Variants in PLGRKT observed in about 807,000 individuals in gnomAD.
PLGRKT encodes the protein plasminogen receptor (KT).
PLGRKT carries 22 observed loss-of-function variants against 18.5 expected under a neutral mutation model. The ratio of observed to expected loss-of-function variants is 1.19; its 90% confidence interval spans 0.85 to 1.70. The LOEUF is 1.70. Among genes scored for constraint, PLGRKT ranks in the 40% most tolerant of loss-of-function variants. The pLI, the probability that PLGRKT is intolerant of heterozygous loss-of-function variation, is 0.00. For synonymous variants in PLGRKT, 72 were observed against 52.8 expected (o/e 1.36, Z -1.58); for missense variants, 235 against 174.4 (o/e 1.35, Z -1.96).
At chr9:5,394,243 A>G (rs1818002617) in intron 3 of PLGRKT, among the ~76,000 whole-genome samples, 1 of 151,838 alleles carries the variant, frequency 6.6e-6, no homozygotes, top group South Asian at 2.1e-4. Flanking sequence ...TTCCTGATGA[A>G]CTGAGGGTGA....
intron 3 of PLGRKT, among the ~76,000 whole-genome samples, chr9:5,387,445 T>A (rs186033086): frequency 6.6e-6 from 1 of 152,044 alleles, no homozygotes; most frequent in Admixed American, 6.5e-5. Flanking sequence ...ATTCATATAA[T>A]GGGATACTAT....
chr9:5,413,947 C>G (rs193231325), intron 3 of PLGRKT, among the ~76,000 whole-genome samples: 81 of 152,194 alleles, frequency 5.3e-4, no homozygotes, highest in African/African-American at 1.8e-3. Context: ...AACAATGTAT[C>G]AATGATATGC....
At chr9:5,390,001 TCCAGAAGCA>T (rs1173671964) in intron 3 of PLGRKT, among the ~76,000 whole-genome samples, 1 of 151,700 alleles carries the variant, frequency 6.6e-6, no homozygotes, top group African/African-American at 2.4e-5. Context: ...GTACATCATG[TCCAGAAGCA>T]CCAGGAAGGT....
intron 3 of PLGRKT, among the ~76,000 whole-genome samples, chr9:5,396,127 G>A (rs1432236877): frequency 6.7e-6 from 1 of 149,854 alleles, no homozygotes; most frequent in Non-Finnish European, 1.5e-5. Context: ...CTCCTGACCT[G>A]AGGTGATCAG....
intron 3 of PLGRKT, among the ~76,000 whole-genome samples, chr9:5,404,623 C>A (rs1405443589): frequency 6.6e-6 from 1 of 152,018 alleles, no homozygotes; most frequent in Non-Finnish European, 1.5e-5. Flanking sequence ...TGAAGGAACA[C>A]ACTTCAAAAT....
At chr9:5,393,494 G>C (rs1817987970) in intron 3 of PLGRKT, among the ~76,000 whole-genome samples, 1 of 151,878 alleles carries the variant, frequency 6.6e-6, no homozygotes, top group South Asian at 2.1e-4. Flanking sequence ...ACCTTTCAAA[G>C]AGGTTTATTC....
rs557162286 is a variant in PLGRKT at position 5,433,620 on chromosome 9, G to C, written c.-6-1637C>G. 3.4e-5 allele frequency among the ~76,000 whole-genome samples: 5 copies of C among 147,898 alleles called. No homozygotes were observed. The South Asian group carries it at 1.1e-3, about 32-fold the overall frequency. On this transcript the variant is annotated intron_variant, in intron 2 of 5. Coordinates refer to ENST00000223864, the MANE Select transcript of PLGRKT (RefSeq NM_018465.4). Reference sequence around the variant, plus strand: ...GTCTCTGCCTGAGCGCCCATCGTCTGGGATGTGAGGAGCGCCTTGGCCCGG... The same window carrying C: ...GTCTCTGCCTGAGCGCCCATCGTCTCGGATGTGAGGAGCGCCTTGGCCCGG...
chr9:5,360,808 A>G (rs2131054557), intron 5 of PLGRKT, among the ~76,000 whole-genome samples: 1 of 152,316 alleles, frequency 6.6e-6, no homozygotes, highest in Admixed American at 6.5e-5. Context: ...TAATTTATTT[A>G]TTGCAAGTTT....
intron 3 of PLGRKT, among the ~76,000 whole-genome samples, 180 bp downstream of exon 3, chr9:5,431,717 T>C (rs55760812): frequency 0.017 from 2,640 of 152,234 alleles, 61 homozygotes; most frequent in African/African-American, 0.056. Context: ...TTTATCTGGA[T>C]TGGAGATTTA....
At chr9:5,388,711 G>C (rs1475802139) in intron 3 of PLGRKT, among the ~76,000 whole-genome samples, 3 of 152,016 alleles carry the variant, frequency 2.0e-5, no homozygotes, top group Admixed American at 2.0e-4. Context: ...TGTAATTTCT[G>C]CTAGAACTTG....
chr9:5,359,063 TA>T lies in PLGRKT; in HGVS notation c.323-704del, dbSNP rs1328414780. Among the ~76,000 whole-genome samples, 38 of 122,156 alleles carry T rather than the reference TA, an allele frequency of 3.1e-4. No homozygotes were observed. The South Asian group carries it at 3.9e-3, about 13-fold the overall frequency. 80.1% of individuals were successfully genotyped at this position (122,156 alleles called of 152,430 possible). On this transcript the variant is annotated intron_variant, in intron 5 of 5. Transcript: ENST00000223864. Reference sequence around the variant, plus strand: ...GTACTCCTCTTTTAACACACTATTTTATTTTTTTTTTTTTTTTGAGACAGTG... The same window carrying T: ...GTACTCCTCTTTTAACACACTATTTTTTTTTTTTTTTTTTTTGAGACAGTG...
chr9:5,432,645 G>A (rs538945986), intron 2 of PLGRKT, among the ~76,000 whole-genome samples: 58 of 152,192 alleles, frequency 3.8e-4, no homozygotes, highest in African/African-American at 1.2e-3. Context: ...TTCCAGGCAC[G>A]CGCCACCACT....
chr9:5,434,071 T>C (rs183399043), intron 2 of PLGRKT, among the ~76,000 whole-genome samples: 1,845 of 134,600 alleles, frequency 0.014, 54 homozygotes, highest in African/African-American at 0.05. Flanking sequence ...GGCCGCCCCA[T>C]CTGGGAAGTG....
chr9:5,370,233 A>G (rs1817487507), intron 3 of PLGRKT, among the ~76,000 whole-genome samples: 5 of 152,180 alleles, frequency 3.3e-5, no homozygotes, highest in Admixed American at 3.3e-4. Flanking sequence ...TGTTTAAAAA[A>G]TATTAAGAAC....
chr9:5,379,990 T>G (rs534999248), intron 3 of PLGRKT, among the ~76,000 whole-genome samples: 10 of 152,324 alleles, frequency 6.6e-5, no homozygotes, highest in Admixed American at 2.0e-4. Context: ...TGAACGAAAC[T>G]GGGGACCAAT....
At chr9:5,402,627 G>A (rs558788413) in intron 3 of PLGRKT, among the ~76,000 whole-genome samples, 7 of 152,048 alleles carry the variant, frequency 4.6e-5, no homozygotes, top group South Asian at 2.1e-4. Flanking sequence ...AGTGACGGAC[G>A]AGGAAGAGCA....
chr9:5,361,029 A>C, intron 5 of PLGRKT, 49 bp downstream of exon 5: 1 of 984,280 alleles, frequency 1.0e-6, no homozygotes, highest in Non-Finnish European at 1.6e-6. Flanking sequence ...GGATCCTTGA[A>C]ATGGAAAATA....
Position 5,418,550 on chromosome 9 carries a change from C to A in PLGRKT, c.81+13347G>T. The A allele has an allele frequency of 1.2e-6, 1 of 832,144 alleles. No individual in the cohort carries two copies. Among genetic ancestry groups the A allele is most frequent in the Non-Finnish European group, 2.1e-6 (1 of 478,026 alleles). 51.5% of individuals were successfully genotyped at this position (832,144 alleles called of 1,614,324 possible). A position where few individuals can be genotyped will look rare whatever the true frequency, so the allele number is the denominator to read the frequency against. On this transcript the variant is annotated intron_variant, in intron 3 of 5. Coordinates refer to ENST00000223864, the MANE Select transcript of PLGRKT (RefSeq NM_018465.4). This position sits in a 1 kb window ranked among gnomAD's most constrained non-coding sequence, Gnocchi z 4.2. Reference sequence around the variant, plus strand: ...TCCGCCACCCCCTGGGGAGCCCTGCCTTGCAGAGGCTGCTGTCCAGCAGGG... The same window carrying A: ...TCCGCCACCCCCTGGGGAGCCCTGCATTGCAGAGGCTGCTGTCCAGCAGGG...
At chr9:5,375,905 T>C (rs926194857) in intron 3 of PLGRKT, among the ~76,000 whole-genome samples, 9 of 152,212 alleles carry the variant, frequency 5.9e-5, no homozygotes, top group African/African-American at 2.2e-4. Context: ...TACACCTCCA[T>C]TCATAGCAGC....
Sources: allele counts gnomAD v4.1 joint callset (sites outside exome capture counted in the v4.1 genomes callset), GRCh38; gene constraint gnomAD v4.1.1; non-coding constraint Gnocchi (gnomAD v3.1); transcripts MANE v1.5; gene names NCBI Gene and HGNC (gene_info 2026-07-23, HGNC 2026-07-21).